KIAA0825: variants seen among roughly 807,000 people sequenced by gnomAD.
KIAA0825 encodes the protein uncharacterized protein KIAA0825.
Under a neutral mutation model 147.6 loss-of-function variants are expected in KIAA0825, and 119 were observed. That is an observed-to-expected ratio of 0.81 (90% CI 0.69 to 0.94). The LOEUF (loss-of-function observed/expected upper bound fraction) is 0.94. KIAA0825 is among the 40% of genes least tolerant of loss of function. The pLI, the probability that KIAA0825 is intolerant of heterozygous loss-of-function variation, is 0.00. For synonymous variants in KIAA0825, 470 were observed against 518.1 expected (o/e 0.91, Z 1.26); for missense variants, 1,381 against 1,472.7 (o/e 0.94, Z 1.02).
intron 1 of KIAA0825, among the ~76,000 whole-genome samples, chr5:94,616,134 A>C (rs1790412977): frequency 6.6e-6 from 1 of 152,288 alleles, no homozygotes; most frequent in South Asian, 2.1e-4. Flanking sequence ...AAGCACTGAA[A>C]TTTGATAGCA....
intron 20 of KIAA0825, among the ~76,000 whole-genome samples, chr5:94,254,563 G>T (rs2881301): frequency 0.28 from 43,150 of 152,022 alleles, 7,304 homozygotes; most frequent in Admixed American, 0.41. Flanking sequence ...GAGACTTTTT[G>T]ATTTTTTTGC....
At chr5:94,235,980 C>T (rs1268559693) in intron 20 of KIAA0825, among the ~76,000 whole-genome samples, 1 of 152,252 alleles carries the variant, frequency 6.6e-6, no homozygotes, top group Non-Finnish European at 1.5e-5. Context: ...TGCACCTGGT[C>T]ATCCAAGAGC....
intron 5 of KIAA0825, among the ~76,000 whole-genome samples, chr5:94,505,735 T>C (rs1014841368): frequency 6.6e-6 from 1 of 152,228 alleles, no homozygotes; most frequent in African/African-American, 2.4e-5. Context: ...ATAAAGATAC[T>C]ACATGTAAAT....
intron 20 of KIAA0825, among the ~76,000 whole-genome samples, chr5:94,288,093 C>G (rs1004961322): frequency 1.3e-5 from 2 of 152,148 alleles, no homozygotes; most frequent in Non-Finnish European, 2.9e-5. Flanking sequence ...GCTAAAGGCC[C>G]TGAGGTCAAC....
chr5:94,511,942 T>C (rs1204448180), intron 5 of KIAA0825, among the ~76,000 whole-genome samples: 1 of 151,728 alleles, frequency 6.6e-6, no homozygotes, highest in African/African-American at 2.4e-5. Context: ...TGAGCTGAGA[T>C]TGCACCACTG....
chr5:94,183,376 A>G (rs1336406514), intron 20 of KIAA0825, among the ~76,000 whole-genome samples: 1 of 152,198 alleles, frequency 6.6e-6, no homozygotes, highest in East Asian at 1.9e-4. Flanking sequence ...TAATAGGAGC[A>G]TGTTTTGTTA....
intron 20 of KIAA0825, among the ~76,000 whole-genome samples, chr5:94,350,853 T>TCTGAGAA (rs2150363086): frequency 6.6e-6 from 1 of 150,912 alleles, no homozygotes; most frequent in Non-Finnish European, 1.5e-5. Flanking sequence ...AAGCATTCCC[T>TCTGAGAA]CTGAGAACTG....
intron 17 of KIAA0825, among the ~76,000 whole-genome samples, chr5:94,393,759 A>G (rs1052203097): frequency 6.6e-6 from 1 of 152,208 alleles, no homozygotes; most frequent in Non-Finnish European, 1.5e-5. Flanking sequence ...CTATGAGTAA[A>G]ATGACCACTG....
At chr5:94,433,902 A>G (rs1037984958) in intron 14 of KIAA0825, among the ~76,000 whole-genome samples, 2 of 152,222 alleles carry the variant, frequency 1.3e-5, no homozygotes, top group African/African-American at 2.4e-5. Context: ...TGTCACTAGC[A>G]GGAAAGGTTA....
At chr5:94,377,160 T>C (rs1421192225) in intron 20 of KIAA0825, among the ~76,000 whole-genome samples, 2 of 152,220 alleles carry the variant, frequency 1.3e-5, no homozygotes, top group Non-Finnish European at 2.9e-5. Flanking sequence ...TCCTCTCAGA[T>C]GTATGGTTAT....
chr5:94,467,800 T>C (rs1760733366), intron 10 of KIAA0825, among the ~76,000 whole-genome samples: 1 of 152,166 alleles, frequency 6.6e-6, no homozygotes, highest in South Asian at 2.1e-4. Flanking sequence ...TTTTTCCCTC[T>C]CAAAGCAGGC....
intron 19 of KIAA0825, among the ~76,000 whole-genome samples, chr5:94,385,378 T>C (rs1490703126): frequency 1.3e-5 from 2 of 152,202 alleles, no homozygotes; most frequent in African/African-American, 4.8e-5. Flanking sequence ...TTGAAGGTCT[T>C]ACTCCACTAC....
intron 2 of KIAA0825, among the ~76,000 whole-genome samples, chr5:94,559,672 G>A (rs139708998): frequency 6.6e-6 from 1 of 152,114 alleles, no homozygotes; most frequent in East Asian, 1.9e-4. Context: ...TGATCCTTTT[G>A]GTCATTTCAG....
chr5:94,317,490 C>T (rs892331327), intron 20 of KIAA0825, among the ~76,000 whole-genome samples: 4 of 151,866 alleles, frequency 2.6e-5, no homozygotes, highest in African/African-American at 9.7e-5. Flanking sequence ...GAAAGCTAAA[C>T]ACACATTGTT....
intron 20 of KIAA0825, among the ~76,000 whole-genome samples, chr5:94,177,582 G>C (rs565173782): frequency 3.7e-4 from 56 of 152,192 alleles, no homozygotes; most frequent in Non-Finnish European, 6.3e-4. Flanking sequence ...TAATATTGGA[G>C]TGGGAAAGTG....
chr5:94,439,308 G>A (rs906664834), intron 14 of KIAA0825, among the ~76,000 whole-genome samples: 1 of 152,144 alleles, frequency 6.6e-6, no homozygotes, highest in Non-Finnish European at 1.5e-5. Context: ...AGATGCACAG[G>A]AGTATGTGAA....
intron 12 of KIAA0825, among the ~76,000 whole-genome samples, 178 bp from the exon 13 acceptor site, chr5:94,453,247 A>ACTGCAACCTCTGCCTCC (rs1466495174): frequency 6.6e-6 from 1 of 151,724 alleles, no homozygotes; most frequent in African/African-American, 2.4e-5. Context: ...ATTCCGGCTC[A>ACTGCAACCTCTGCCTCC]CTGCAACCTC....
At chr5:94,221,143 C>T (rs1375270549) in intron 20 of KIAA0825, among the ~76,000 whole-genome samples, 1 of 152,118 alleles carries the variant, frequency 6.6e-6, no homozygotes, top group Non-Finnish European at 1.5e-5. Context: ...GCTAGTCCTC[C>T]ACAGACTACG....
intron 20 of KIAA0825, among the ~76,000 whole-genome samples, chr5:94,305,318 A>G (rs1204683106): frequency 6.6e-6 from 1 of 151,974 alleles, no homozygotes; most frequent in Non-Finnish European, 1.5e-5. Flanking sequence ...ATATGCACAC[A>G]CACACACCCT....
Sources: gnomAD v4.1 joint callset for allele counts (sites outside exome capture counted in the v4.1 genomes callset) on GRCh38, gnomAD v4.1.1 for gene constraint, MANE v1.5 for transcripts, NCBI Gene and HGNC (gene_info 2026-07-23, HGNC 2026-07-21) for gene names.